ADISSP: variants seen among roughly 807,000 people sequenced by gnomAD.
ADISSP encodes adipose-secreted signaling protein.
chr20:3,753,590 T>TG, the ADISSP span: 491 of 175,490 alleles, frequency 2.8e-3, no homozygotes, highest in African/African-American at 0.01. Context: ...ACCTGAGGGG[T>TG]GGGGGCTGGG....
At chr20:3,768,051 C>T in the ADISSP span, 1 of 152,620 alleles carries the variant, frequency 6.6e-6, no homozygotes, top group African/African-American at 2.4e-5. Context: ...CCCGCTCCTT[C>T]TTCCGCCTGG....
the ADISSP span, chr20:3,753,854 A>C: frequency 1.2e-5 from 7 of 591,960 alleles, no homozygotes; most frequent in East Asian, 5.7e-5. Flanking sequence ...TGAGGCACAC[A>C]GAGAGGAGGA....
At chr20:3,761,175 A>G in the ADISSP span, among the ~76,000 whole-genome samples, 1 of 152,222 alleles carries the variant, frequency 6.6e-6, no homozygotes, top group Non-Finnish European at 1.5e-5. Context: ...CTAATAAATA[A>G]CAAAGAAATG....
the ADISSP span, chr20:3,760,323 T>G: frequency 3.7e-6 from 2 of 536,518 alleles, no homozygotes; most frequent in Non-Finnish European, 3.4e-6. Context: ...CTGTACTCTC[T>G]AGCACGGGGG....
At chr20:3,761,371 T>C in the ADISSP span, among the ~76,000 whole-genome samples, 3 of 151,724 alleles carry the variant, frequency 2.0e-5, no homozygotes, top group Non-Finnish European at 4.4e-5. Context: ...GTTTCACTCT[T>C]GTCACCCAGG....
At chr20:3,762,748 T>C in the ADISSP span, among the ~76,000 whole-genome samples, 4 of 152,224 alleles carry the variant, frequency 2.6e-5, no homozygotes, top group African/African-American at 9.6e-5. Flanking sequence ...TACTTCCAAG[T>C]AGTTATGATA....
the ADISSP span, among the ~76,000 whole-genome samples, chr20:3,759,638 G>A: frequency 5.3e-5 from 8 of 152,180 alleles, no homozygotes; most frequent in African/African-American, 1.4e-4. This position sits in a 1 kb window ranked among gnomAD's most constrained non-coding sequence, Gnocchi z 4.6. Context: ...AATCCCTGGT[G>A]AGCCCCACAG....
At chr20:3,755,559 G>T in the ADISSP span, 1 of 1,613,188 alleles carries the variant, frequency 6.2e-7, no homozygotes, top group Non-Finnish European at 8.5e-7. Context: ...TGCACTGGGG[G>T]CAGAGTGAAG....
chr20:3,755,868 G>A, the ADISSP span, among the ~76,000 whole-genome samples: 1 of 152,192 alleles, frequency 6.6e-6, no homozygotes, highest in East Asian at 1.9e-4. Flanking sequence ...AAAGTCCTCA[G>A]TGGCTCATTT....
chr20:3,759,847 C>A, the ADISSP span, among the ~76,000 whole-genome samples: 2 of 152,162 alleles, frequency 1.3e-5, no homozygotes, highest in African/African-American at 4.8e-5. This position sits in a 1 kb window ranked among gnomAD's most constrained non-coding sequence, Gnocchi z 4.6. Context: ...CCTCCACAGA[C>A]CAGCCTAAGG....
At chr20:3,765,062 T>G in the ADISSP span, among the ~76,000 whole-genome samples, 1 of 152,228 alleles carries the variant, frequency 6.6e-6, no homozygotes, top group South Asian at 2.1e-4. Flanking sequence ...ACTGAGGGCC[T>G]GTAACCCTCT....
At chr20:3,757,240 C>T in the ADISSP span, among the ~76,000 whole-genome samples, 1 of 152,036 alleles carries the variant, frequency 6.6e-6, no homozygotes, top group Non-Finnish European at 1.5e-5. Flanking sequence ...ATCCCAGCTA[C>T]TCTGGAGGCT....
chr20:3,765,341 C>T, the ADISSP span, among the ~76,000 whole-genome samples: 7 of 152,204 alleles, frequency 4.6e-5, no homozygotes, highest in Non-Finnish European at 8.8e-5. Flanking sequence ...ACCAAGGCCT[C>T]ACCATGGCTC....
the ADISSP span, among the ~76,000 whole-genome samples, chr20:3,764,387 C>A: frequency 2.0e-5 from 3 of 152,284 alleles, no homozygotes; most frequent in South Asian, 6.2e-4. Flanking sequence ...TGAACTGGTC[C>A]ATGCAGGGCA....
chr20:3,754,424 G>A, the ADISSP span: 272 of 1,613,800 alleles, frequency 1.7e-4, no homozygotes, highest in Non-Finnish European at 2.0e-4. Flanking sequence ...ACCGTCACGC[G>A]CACACAGGTG....
chr20:3,760,710 G>A, the ADISSP span, among the ~76,000 whole-genome samples: 6 of 152,160 alleles, frequency 3.9e-5, no homozygotes, highest in Non-Finnish European at 7.3e-5. Flanking sequence ...CCTGGTGATC[G>A]GTCAGGGCCA....
At chr20:3,754,552 TC>T in the ADISSP span, 2 of 1,594,580 alleles carry the variant, frequency 1.3e-6, no homozygotes, top group Admixed American at 1.7e-5. Flanking sequence ...GGTCAGCACC[TC>T]CCCCAGCCTC....
At chr20:3,753,669 A>G in the ADISSP span, 1 of 273,322 alleles carries the variant, frequency 3.7e-6, no homozygotes, top group South Asian at 4.2e-5. Flanking sequence ...AGGTGGCTGA[A>G]GCAAGGCAGC....
the ADISSP span, among the ~76,000 whole-genome samples, chr20:3,764,225 G>A: frequency 6.6e-6 from 1 of 152,166 alleles, no homozygotes; most frequent in Non-Finnish European, 1.5e-5. Context: ...ATCCTGCAGA[G>A]GCTGCTCCAG....
Sources: gnomAD v4.1 joint callset for allele counts (sites outside exome capture counted in the v4.1 genomes callset) on GRCh38, gnomAD v4.1.1 for gene constraint, Gnocchi (gnomAD v3.1) non-coding constraint, MANE v1.5 for transcripts, NCBI Gene and HGNC (gene_info 2026-07-23, HGNC 2026-07-21) for gene names.